Variants in LRRIQ3 observed in about 807,000 individuals in gnomAD.
LRRIQ3 encodes the protein leucine rich repeats and IQ motif containing 3.
Under a neutral mutation model 59.3 loss-of-function variants are expected in LRRIQ3, and 75 were observed. The observed-to-expected ratio is 1.26, with a 90% CI of 1.05 to 1.53. The LOEUF (loss-of-function observed/expected upper bound fraction) is 1.53. Among genes scored for constraint, LRRIQ3 ranks in the 40% most tolerant of loss-of-function variants. The probability of loss-of-function intolerance (pLI) is 0.00; values close to 1 mark genes in which losing one functional copy is unlikely to be tolerated. For missense variants in LRRIQ3, 831 were observed against 710.0 expected, an observed-to-expected ratio of 1.17 and a Z score of -1.94; for synonymous variants, 250 against 231.3, an observed-to-expected ratio of 1.08 and a Z score of -0.73.
At chr1:74,127,966 T>A (rs112049689) in intron 4 of LRRIQ3, among the ~76,000 whole-genome samples, 21 of 152,056 alleles carry the variant, frequency 1.4e-4, no homozygotes, top group Non-Finnish European at 2.6e-4. Flanking sequence ...TCTTCCTATA[T>A]GAAGGATATT....
At position 74,082,855 on chromosome 1, in the gene LRRIQ3, A is replaced by G. The variant is rs146549387; in HGVS notation, c.868-8065T>C. 99 of 151,784 alleles carry G rather than the reference A, an allele frequency of 6.5e-4. 4 individuals carry two copies. The East Asian group carries it at 0.014, about 22-fold the overall frequency. 9.4% of individuals were successfully genotyped at this position (151,784 alleles called of 1,614,324 possible). A position where few individuals can be genotyped will look rare whatever the true frequency, so the allele number is the denominator to read the frequency against. On this transcript the variant is annotated intron_variant, in intron 5 of 7. Coordinates refer to ENST00000354431, the MANE Select transcript of LRRIQ3 (RefSeq NM_001105659.2). ...TTATGAAATTGACTCAATAACAATTACTTGAATAATATTTTCTAAAATTGA... is the reference window on the plus strand; with the variant it reads ...TTATGAAATTGACTCAATAACAATTGCTTGAATAATATTTTCTAAAATTGA...
intron 6 of LRRIQ3, among the ~76,000 whole-genome samples, chr1:74,050,266 G>T (rs1300746667): frequency 6.6e-6 from 1 of 152,026 alleles, no homozygotes; most frequent in Admixed American, 6.6e-5. Context: ...TTGAAGTACA[G>T]GTTCTCCTTT....
At chr1:74,158,396 C>T (rs1050856550) in intron 3 of LRRIQ3, among the ~76,000 whole-genome samples, 1 of 152,122 alleles carries the variant, frequency 6.6e-6, no homozygotes, top group Non-Finnish European at 1.5e-5. Context: ...CCCATCCTAG[C>T]TCCTTAATCT....
chr1:74,131,156 C>T (rs571818890), intron 4 of LRRIQ3, among the ~76,000 whole-genome samples: 213 of 152,052 alleles, frequency 1.4e-3, no homozygotes, highest in Middle Eastern at 0.014. Context: ...ACACATACAC[C>T]CTCCCAAGAC....
chr1:74,183,035 A>G, intron 2 of LRRIQ3, 174 bp from the exon 3 acceptor site: 1 of 432,384 alleles, frequency 2.3e-6, no homozygotes, highest in East Asian at 3.6e-5. Context: ...AAACCATAAT[A>G]CACTGGGTAT....
rs1570087533 is a variant in LRRIQ3, at chr1:74,083,958, GA to G, written c.868-9169del. The stretch of plus-strand genomic sequence containing the variant: ...ATGTTAGCTTTCTTATATGAGGAAG[GA>G]AATAATATCATGAACATTTTAATGC... On this transcript the variant is annotated intron_variant, in intron 5 of 7. Coordinates refer to ENST00000354431, the MANE Select transcript of LRRIQ3 (RefSeq NM_001105659.2). 1.2e-5 allele frequency: 5 copies of G among 407,026 alleles called. No homozygotes were observed. The East Asian group carries it at 1.9e-4, about 15-fold the overall frequency. The allele number at this position is 407,026 out of a possible 1,614,324, so 25.2% of individuals were successfully genotyped here.
At chr1:74,122,129 T>G (rs1481571454) in intron 4 of LRRIQ3, among the ~76,000 whole-genome samples, 4 of 152,140 alleles carry the variant, frequency 2.6e-5, no homozygotes, top group African/African-American at 9.7e-5. Flanking sequence ...AAATGGTATT[T>G]CTAGTTCTAG....
At chr1:74,073,202 C>T (rs1384510835) in intron 6 of LRRIQ3, among the ~76,000 whole-genome samples, 1 of 152,006 alleles carries the variant, frequency 6.6e-6, no homozygotes, top group African/African-American at 2.4e-5. Flanking sequence ...TCAATAAATA[C>T]TATTTAGTTT....
chr1:74,157,941 T>G (rs1163967196), intron 3 of LRRIQ3, among the ~76,000 whole-genome samples: 2 of 152,096 alleles, frequency 1.3e-5, no homozygotes, highest in African/African-American at 4.8e-5. Context: ...TTCCCAAATA[T>G]GAATTTTCTT....
At chr1:74,195,508 A>C (rs1002271718) in intron 1 of LRRIQ3, among the ~76,000 whole-genome samples, 6 of 152,166 alleles carry the variant, frequency 3.9e-5, no homozygotes, top group Non-Finnish European at 5.9e-5. Context: ...AGACATTTTA[A>C]TGGGGGGATG....
rs142686795 is a variant in LRRIQ3, at chr1:74,140,903, A to G, written c.707+14830T>C. On this transcript the variant is annotated intron_variant, in intron 4 of 7. Coordinates refer to ENST00000354431, the MANE Select transcript of LRRIQ3 (RefSeq NM_001105659.2). ...CCTTCCAATATAAAAACATACATAC[A>G]TTCCATACTTGATGAAATTTTTAAA... is the stretch of plus-strand genomic sequence containing the variant. Among the ~76,000 whole-genome samples the G allele has an allele frequency of 1.3e-3, 202 of 151,912 alleles. 8 individuals are homozygous for G. In the East Asian group the frequency reaches 0.031, roughly 23 times the overall value.
At chr1:74,105,046 T>C (rs1646589854) in intron 5 of LRRIQ3, among the ~76,000 whole-genome samples, 1 of 152,006 alleles carries the variant, frequency 6.6e-6, no homozygotes, top group Non-Finnish European at 1.5e-5. Flanking sequence ...ATTTCTATAT[T>C]TATGTTATCA....
intron 4 of LRRIQ3, among the ~76,000 whole-genome samples, chr1:74,134,822 T>C (rs1647094759): frequency 6.6e-6 from 1 of 150,564 alleles, no homozygotes; most frequent in Non-Finnish European, 1.5e-5. Flanking sequence ...AAGAATGTGG[T>C]AAAGGAGAAA....
At chr1:74,033,397 G>A (rs1653776977) in intron 7 of LRRIQ3, among the ~76,000 whole-genome samples, 1 of 151,994 alleles carries the variant, frequency 6.6e-6, no homozygotes, top group Admixed American at 6.6e-5. Context: ...AGTGTATAAA[G>A]GAGGTTATTT....
intron 5 of LRRIQ3, among the ~76,000 whole-genome samples, chr1:74,093,320 T>C (rs1272596881): frequency 6.6e-6 from 1 of 152,072 alleles, no homozygotes; most frequent in Non-Finnish European, 1.5e-5. Context: ...AGGAGATTTT[T>C]CCAGATGTGT....
intron 4 of LRRIQ3, among the ~76,000 whole-genome samples, chr1:74,120,083 T>G (rs2100583825): frequency 6.6e-6 from 1 of 151,988 alleles, no homozygotes; most frequent in East Asian, 1.9e-4. Flanking sequence ...TTGATAAAAA[T>G]TATTATTTTC....
Position 74,047,828 on chromosome 1 carries a change from C to T in LRRIQ3, c.998-5895G>A, listed in dbSNP as rs868819860. Among the ~76,000 whole-genome samples, 9 of 152,120 alleles carry T rather than the reference C, an allele frequency of 5.9e-5. No homozygotes were observed. The South Asian group carries it at 1.9e-3, about 32-fold the overall frequency. ...TAACAGCCCAAATAGAGCCCCAACC[C>T]CCAGTGTGGCTTTATTTGGTAGTGG... On this transcript the variant is annotated intron_variant, in intron 6 of 7. Transcript: ENST00000354431.
intron 4 of LRRIQ3, among the ~76,000 whole-genome samples, chr1:74,145,732 T>A (rs113418436): frequency 5.9e-5 from 9 of 152,274 alleles, no homozygotes; most frequent in African/African-American, 2.2e-4. Flanking sequence ...TATATTTGTA[T>A]TAAGTATTTA....
intron 4 of LRRIQ3, among the ~76,000 whole-genome samples, chr1:74,131,301 G>A (rs921481950): frequency 6.6e-6 from 1 of 152,142 alleles, no homozygotes; most frequent in Non-Finnish European, 1.5e-5. Context: ...GACGTACAAG[G>A]AGGAGCTGGT....
Sources: gnomAD v4.1 joint callset for allele counts (sites outside exome capture counted in the v4.1 genomes callset) on GRCh38, gnomAD v4.1.1 for gene constraint, MANE v1.5 for transcripts, NCBI Gene and HGNC (gene_info 2026-07-23, HGNC 2026-07-21) for gene names.